Variants in EXOC6B observed in about 807,000 individuals in gnomAD.
The protein encoded by EXOC6B is exocyst complex component 6B, also known as SEC15 homolog B.
EXOC6B carries 54 observed loss-of-function variants against 113.5 expected under a neutral mutation model. That is an observed-to-expected ratio of 0.48 (90% CI 0.38 to 0.60). EXOC6B has a LOEUF of 0.60. Among genes scored for constraint, EXOC6B ranks in the 20% least tolerant of loss-of-function variants. EXOC6B has a pLI of 0.00. For synonymous variants in EXOC6B, 357 were observed against 339.0 expected (o/e 1.05, Z -0.58); for missense variants, 797 against 977.5 (o/e 0.82, Z 2.46).
chr2:72,395,288 G>A (rs1692652649), intron 18 of EXOC6B, among the ~76,000 whole-genome samples: 1 of 152,034 alleles, frequency 6.6e-6, no homozygotes. Flanking sequence ...AAATACAATG[G>A]TAGACGCCTG....
At chr2:72,366,500 A>G (rs1297623955) in intron 19 of EXOC6B, among the ~76,000 whole-genome samples, 3 of 152,120 alleles carry the variant, frequency 2.0e-5, no homozygotes, top group Non-Finnish European at 2.9e-5. Flanking sequence ...AGTTTCAGAC[A>G]CAAAGGAGAG....
chr2:72,810,755 C>T (rs985103580), intron 1 of EXOC6B, among the ~76,000 whole-genome samples: 4 of 151,986 alleles, frequency 2.6e-5, no homozygotes, highest in Non-Finnish European at 5.9e-5. Context: ...GGGAATATAA[C>T]CATACGTCAG....
chr2:72,296,634 A>G (rs1187842861), intron 20 of EXOC6B, among the ~76,000 whole-genome samples: 2 of 152,224 alleles, frequency 1.3e-5, no homozygotes, highest in Non-Finnish European at 2.9e-5. Flanking sequence ...AAATGGAAAT[A>G]GAGAAGACAT....
At chr2:72,579,632 GAGGCATCTTACA>G (rs1392460351) in intron 6 of EXOC6B, among the ~76,000 whole-genome samples, 1 of 152,142 alleles carries the variant, frequency 6.6e-6, no homozygotes, top group African/African-American at 2.4e-5. Flanking sequence ...GTGTGTCTAT[GAGGCATCTTACA>G]CAGGCCATTA....
chr2:72,617,169 G>C (rs1383563058), intron 6 of EXOC6B, among the ~76,000 whole-genome samples: 3 of 152,192 alleles, frequency 2.0e-5, no homozygotes, highest in Non-Finnish European at 4.4e-5. Context: ...CCACGGCCTT[G>C]GGCAGCTCCA....
intron 6 of EXOC6B, among the ~76,000 whole-genome samples, chr2:72,699,999 T>C (rs1405260241): frequency 6.6e-6 from 1 of 152,194 alleles, no homozygotes; most frequent in East Asian, 1.9e-4. Context: ...CATTTGCATA[T>C]AACCTATGTA....
chr2:72,724,698 T>C (rs1043539765), intron 5 of EXOC6B, among the ~76,000 whole-genome samples: 1 of 152,122 alleles, frequency 6.6e-6, no homozygotes, highest in South Asian at 2.1e-4. Context: ...TGTACATGTA[T>C]GTAAAGAAAA....
At chr2:72,644,605 T>C (rs990698636) in intron 6 of EXOC6B, among the ~76,000 whole-genome samples, 18 of 152,158 alleles carry the variant, frequency 1.2e-4, no homozygotes, top group African/African-American at 4.1e-4. Flanking sequence ...AGAAACTCTA[T>C]AAGCCAGAAG....
At chr2:72,310,540 T>TA (rs1176898434) in intron 20 of EXOC6B, among the ~76,000 whole-genome samples, 4 of 152,174 alleles carry the variant, frequency 2.6e-5, no homozygotes, top group African/African-American at 9.6e-5. Context: ...AGAAGTCTCT[T>TA]ACCAGTTTTA....
At chr2:72,514,605 A>AATATATATAT (rs58454184) in intron 10 of EXOC6B, 29 bp downstream of exon 10, 7 of 151,644 alleles carry the variant, frequency 4.6e-5, no homozygotes, top group Non-Finnish European at 6.3e-5. Flanking sequence ...TAAATAAATA[A>AATATATATAT]ATATATATAT....
intron 5 of EXOC6B, among the ~76,000 whole-genome samples, chr2:72,730,178 C>T (rs1457172974): frequency 6.6e-6 from 1 of 152,090 alleles, no homozygotes; most frequent in Non-Finnish European, 1.5e-5. Flanking sequence ...TTAACCTCAC[C>T]CTTCCCCTTT....
At chr2:72,305,336 GTATA>G (rs1686775556) in intron 20 of EXOC6B, among the ~76,000 whole-genome samples, 1 of 104,630 alleles carries the variant, frequency 9.6e-6, no homozygotes, top group Non-Finnish European at 1.8e-5. Flanking sequence ...ATATGTATAT[GTATA>G]TGTATATGTA....
At chr2:72,584,219 TAA>T (rs76375907) in intron 6 of EXOC6B, among the ~76,000 whole-genome samples, 7 of 142,446 alleles carry the variant, frequency 4.9e-5, no homozygotes, top group African/African-American at 5.2e-5. Context: ...CAAGTAGGGT[TAA>T]AAAAAAAAAA....
At chr2:72,250,817 T>C (rs1356173222) in intron 20 of EXOC6B, among the ~76,000 whole-genome samples, 1 of 152,100 alleles carries the variant, frequency 6.6e-6, no homozygotes, top group Non-Finnish European at 1.5e-5. Context: ...CAGGTCTTCA[T>C]TATTTCACTT....
chr2:72,720,346 G>C (rs923033288), intron 5 of EXOC6B, among the ~76,000 whole-genome samples: 5 of 152,062 alleles, frequency 3.3e-5, no homozygotes, highest in Admixed American at 1.3e-4. Context: ...ACATTGTCAG[G>C]ACTTAAAAAG....
At chr2:72,221,061 G>T (rs1229681567) in intron 20 of EXOC6B, among the ~76,000 whole-genome samples, 1 of 152,128 alleles carries the variant, frequency 6.6e-6, no homozygotes, top group Non-Finnish European at 1.5e-5. Context: ...TCTGTTGAAC[G>T]CTAGGTCTTA....
chr2:72,372,263 C>A (rs1691074365), intron 19 of EXOC6B, among the ~76,000 whole-genome samples: 1 of 152,022 alleles, frequency 6.6e-6, no homozygotes, highest in South Asian at 2.1e-4. Flanking sequence ...TCTATAGGTT[C>A]AATGCAATTC....
intron 20 of EXOC6B, among the ~76,000 whole-genome samples, chr2:72,259,960 G>A (rs566863774): frequency 6.6e-5 from 10 of 152,248 alleles, no homozygotes; most frequent in Admixed American, 5.9e-4. Flanking sequence ...GCTGAGGTGC[G>A]AGGATGACTT....
In EXOC6B at chr2:72,276,313, G is replaced by A. The variant is rs116273449; in HGVS notation, c.2196+58634C>T. 2.9e-3 allele frequency among the ~76,000 whole-genome samples: 440 copies of A among 152,240 alleles called. 3 individuals are homozygous for A. The highest frequency in any genetic ancestry group is 9.1e-3 in the African/African-American group (380 of 41,536). The stretch of plus-strand genomic sequence containing the variant: ...AGTGGAAGTTTGATTCTGCATGGAA[G>A]GGACCTGGGACAAAAGCTGAATTCC... On this transcript the variant is annotated intron_variant, in intron 20 of 21. Coordinates refer to ENST00000272427, the MANE Select transcript of EXOC6B (RefSeq NM_015189.3).
Sources: allele counts gnomAD v4.1 joint callset (sites outside exome capture counted in the v4.1 genomes callset), GRCh38; gene constraint gnomAD v4.1.1; transcripts MANE v1.5; gene names NCBI Gene and HGNC (gene_info 2026-07-23, HGNC 2026-07-21).